The following TNNI3K variants were observed in gnomAD, a reference collection of about 807,000 sequenced individuals.
TNNI3K encodes the protein serine/threonine-protein kinase TNNI3K.
A neutral mutation model predicts 114.5 loss-of-function variants in TNNI3K; 140 were observed. The ratio of observed to expected loss-of-function variants is 1.22; its 90% CI spans 1.07 to 1.41. The LOEUF is 1.41. TNNI3K is among the 40% of genes most tolerant of loss of function. The pLI, the probability that TNNI3K is intolerant of heterozygous loss-of-function variation, is 0.00. For synonymous variants in TNNI3K, 347 were observed against 347.5 expected, an observed-to-expected ratio of 1.00 and a Z score of 0.02; for missense variants, 1,125 against 1,007.6, an observed-to-expected ratio of 1.12 and a Z score of -1.58.
chr1:74,509,591 A>G (rs1670074431), intron 23 of TNNI3K, among the ~76,000 whole-genome samples: 1 of 152,194 alleles, frequency 6.6e-6, no homozygotes, highest in African/African-American at 2.4e-5. Context: ...ACAATGAATT[A>G]TGAAATTATG....
At chr1:74,398,098 A>T (rs888679969) in intron 17 of TNNI3K, among the ~76,000 whole-genome samples, 5 of 152,190 alleles carry the variant, frequency 3.3e-5, no homozygotes. Context: ...GAAAGGAAAC[A>T]CTATAGATGC....
chr1:74,358,230 C>G (rs116579478), intron 11 of TNNI3K, among the ~76,000 whole-genome samples: 1,948 of 152,158 alleles, frequency 0.013, 43 homozygotes, highest in African/African-American at 0.042. Context: ...ACAGAGGCTC[C>G]TATCACAATA....
At chr1:74,435,245 C>T (rs1666070297) in intron 17 of TNNI3K, among the ~76,000 whole-genome samples, 1 of 152,036 alleles carries the variant, frequency 6.6e-6, no homozygotes, top group Non-Finnish European at 1.5e-5. Flanking sequence ...TGGACTATCT[C>T]AGCTTTGATT....
At chr1:74,469,291 T>G (rs536557702) in intron 21 of TNNI3K, 2 of 152,608 alleles carry the variant, frequency 1.3e-5, no homozygotes, top group Non-Finnish European at 2.9e-5. Context: ...TAACAAGTTT[T>G]AAAGACTTCT....
intron 11 of TNNI3K, among the ~76,000 whole-genome samples, chr1:74,360,497 A>G (rs1427187387): frequency 6.6e-6 from 1 of 152,058 alleles, no homozygotes; most frequent in Non-Finnish European, 1.5e-5. Flanking sequence ...CACATATATT[A>G]ACTCATCAAA....
intron 23 of TNNI3K, among the ~76,000 whole-genome samples, chr1:74,510,109 T>C (rs192010333): frequency 2.0e-5 from 3 of 152,266 alleles, no homozygotes; most frequent in Non-Finnish European, 4.4e-5. Context: ...AGGTAGACAG[T>C]TCTGAGTTTA....
chr1:74,480,842 A>G, intron 21 of TNNI3K: 1 of 717,502 alleles, frequency 1.4e-6, no homozygotes. Flanking sequence ...ATCTTCCTGA[A>G]CATCCTCGAT....
intron 3 of TNNI3K, among the ~76,000 whole-genome samples, chr1:74,250,170 A>G (rs1570369477): frequency 6.6e-6 from 1 of 152,254 alleles, no homozygotes; most frequent in East Asian, 1.9e-4. Context: ...GTAAGTGTCA[A>G]CTCTAACCAT....
intron 17 of TNNI3K, among the ~76,000 whole-genome samples, chr1:74,421,480 G>A (rs1488421124): frequency 6.6e-6 from 1 of 152,040 alleles, no homozygotes; most frequent in Non-Finnish European, 1.5e-5. Context: ...TTAGATATAA[G>A]CAATTTGAGG....
At chr1:74,396,400 A>T (rs1247204849) in intron 17 of TNNI3K, among the ~76,000 whole-genome samples, 2 of 152,228 alleles carry the variant, frequency 1.3e-5, no homozygotes, top group African/African-American at 4.8e-5. Context: ...GTGCACTTCT[A>T]AAAAGTACTG....
At position 74,438,575 on chromosome 1, in the gene TNNI3K, A is replaced by G. The variant is rs1040757934; in HGVS notation, c.1879-915A>G. On this transcript the variant is annotated intron_variant, in intron 19 of 24. Coordinates refer to ENST00000326637, the MANE Select transcript of TNNI3K (RefSeq NM_015978.3). ...TCCTTGAGGAATCTGAGGTCCAGGA[A>G]ACATGACATACTGAACAGCTACCCA... is the stretch of plus-strand genomic sequence containing the variant. Among the ~76,000 whole-genome samples the G allele has an allele frequency of 2.6e-5, 4 of 152,054 alleles. No homozygotes were observed. The South Asian group carries it at 8.3e-4, about 32-fold the overall frequency.
chr1:74,313,287 C>A (rs562877867), intron 5 of TNNI3K, among the ~76,000 whole-genome samples: 1 of 152,294 alleles, frequency 6.6e-6, no homozygotes, highest in East Asian at 1.9e-4. Context: ...GTTGACATCA[C>A]ATATTTTATT....
chr1:74,511,075 A>AC (rs1355811316), intron 23 of TNNI3K, among the ~76,000 whole-genome samples: 1 of 152,118 alleles, frequency 6.6e-6, no homozygotes, highest in African/African-American at 2.4e-5. Context: ...TTTAGTAGAA[A>AC]CAGAGTTTCA....
intron 5 of TNNI3K, among the ~76,000 whole-genome samples, chr1:74,284,052 T>C (rs534253607): frequency 9.9e-5 from 15 of 152,180 alleles, no homozygotes; most frequent in Non-Finnish European, 1.9e-4. Flanking sequence ...GAGCTCACTA[T>C]GTCTCAGGAA....
chr1:74,290,953 AGT>A (rs1374089169), intron 5 of TNNI3K, among the ~76,000 whole-genome samples: 1 of 151,826 alleles, frequency 6.6e-6, no homozygotes, highest in Non-Finnish European at 1.5e-5. Context: ...ACAGCTTCTA[AGT>A]GTGCACCATG....
chr1:74,382,695 T>C (rs2100551448), intron 17 of TNNI3K, among the ~76,000 whole-genome samples: 1 of 152,310 alleles, frequency 6.6e-6, no homozygotes, highest in South Asian at 2.1e-4. Flanking sequence ...TTTCAACCCT[T>C]GTATGTGAAG....
chr1:74,416,414 C>G (rs1339527508), intron 17 of TNNI3K: 1 of 965,856 alleles, frequency 1.0e-6, no homozygotes, highest in Non-Finnish European at 1.2e-6. Context: ...GAAAAGAAGT[C>G]TTTGTTAGCA....
chr1:74,264,985 G>A (rs1655882669), intron 4 of TNNI3K, among the ~76,000 whole-genome samples: 2 of 151,942 alleles, frequency 1.3e-5, no homozygotes, highest in Admixed American at 1.3e-4. Context: ...GGAATATAAG[G>A]TCAGGGCTGA....
chr1:74,513,393 C>A (rs1047507418), intron 23 of TNNI3K, among the ~76,000 whole-genome samples: 1 of 152,188 alleles, frequency 6.6e-6, no homozygotes, highest in Admixed American at 6.5e-5. Context: ...AGTTGAGAAC[C>A]TGATGATGAC....
Sources: gnomAD v4.1 joint callset for allele counts (sites outside exome capture counted in the v4.1 genomes callset) on GRCh38, gnomAD v4.1.1 for gene constraint, MANE v1.5 for transcripts, NCBI Gene and HGNC (gene_info 2026-07-23, HGNC 2026-07-21) for gene names.